SPTSSB: variants seen among roughly 807,000 people sequenced by gnomAD.
The protein encoded by SPTSSB is androgen down regulated in mouse prostate.
SPTSSB carries 6 observed loss-of-function variants against 7.7 expected under a neutral mutation model. The observed-to-expected ratio is 0.78, with a 90% CI of 0.43 to 1.54. SPTSSB has a LOEUF of 1.54. SPTSSB is among the 40% of genes most tolerant of loss of function. SPTSSB has a pLI of 0.01. For missense variants in SPTSSB, 91 were observed against 93.0 expected, an observed-to-expected ratio of 0.98 and a Z score of 0.09; for synonymous variants, 28 against 29.7, an observed-to-expected ratio of 0.94 and a Z score of 0.19.
chr3:161,369,755 G>A (rs981325332), intron 1 of SPTSSB, among the ~76,000 whole-genome samples: 1 of 152,020 alleles, frequency 6.6e-6, no homozygotes, highest in Non-Finnish European at 1.5e-5. Flanking sequence ...CTGTAGACGA[G>A]GATCTAGGTT....
At chr3:161,350,746 G>T (rs1303909651) in intron 2 of SPTSSB, among the ~76,000 whole-genome samples, 1 of 152,066 alleles carries the variant, frequency 6.6e-6, no homozygotes, top group Non-Finnish European at 1.5e-5. Context: ...TCCTTCCAAA[G>T]AACACAGTAT....
intron 1 of SPTSSB, among the ~76,000 whole-genome samples, chr3:161,362,114 C>T (rs916640094): frequency 6.6e-6 from 1 of 152,084 alleles, no homozygotes; most frequent in African/African-American, 2.4e-5. Flanking sequence ...TCTGCAGCCT[C>T]TAGGAGTAAG....
chr3:161,369,350 TTC>T (rs376509719), intron 1 of SPTSSB, among the ~76,000 whole-genome samples: 2,222 of 73,150 alleles, frequency 0.03, 65 homozygotes, highest in South Asian at 0.081. Context: ...CTTTCTTTCT[TTC>T]TCTTTCTTTC....
intron 2 of SPTSSB, 46 bp from the exon 3 acceptor site, chr3:161,346,401 A>T: frequency 1.0e-6 from 1 of 985,440 alleles, no homozygotes; most frequent in Non-Finnish European, 1.6e-6. Context: ...CCAAACATAG[A>T]ATCACTTTAA....
chr3:161,367,563 A>C (rs1315089402), intron 1 of SPTSSB, among the ~76,000 whole-genome samples: 1 of 152,246 alleles, frequency 6.6e-6, no homozygotes, highest in African/African-American at 2.4e-5. Flanking sequence ...CATGGTTCTT[A>C]GTACAGGATC....
At position 161,369,244 on chromosome 3, in the gene SPTSSB, C is replaced by CTT. The variant is rs1553804850; in HGVS notation, c.-126+2190_-126+2191insAA. On this transcript the variant is annotated intron_variant, in intron 1 of 2. Transcript: ENST00000620149. ...CATCTTCTCTAACACTTGCTATTATCTCTTTCTTTCTTTCTTTCTCTTTCT... is the reference window on the plus strand; with the variant it reads ...CATCTTCTCTAACACTTGCTATTATCTTTCTTTCTTTCTTTCTTTCTCTTTCT... Among the ~76,000 whole-genome samples the CTT allele has an allele frequency of 4.5e-3, 679 of 151,274 alleles. 6 individuals carry two copies. The highest frequency in any genetic ancestry group is 0.016 in the African/African-American group (647 of 41,124).
chr3:161,365,257 C>T (rs1415610892), intron 1 of SPTSSB, among the ~76,000 whole-genome samples: 1 of 152,188 alleles, frequency 6.6e-6, no homozygotes, highest in Non-Finnish European at 1.5e-5. Flanking sequence ...CAGCTAGCCA[C>T]TCAGTCAAGT....
In SPTSSB at chr3:161,371,446, G is replaced by T. The variant is rs1365700464; in HGVS notation, c.-137C>A. On this transcript the variant is annotated 5_prime_UTR_variant, in exon 1 of 3. Coordinates refer to ENST00000620149, the MANE Select transcript of SPTSSB (RefSeq NM_001040100.2). Reference sequence around the variant, plus strand: ...TGGAAGATGCTTACCTCCCAGTTGGGTGTATCTCCCTGCGGCTTAGGTGAG... The same window carrying T: ...TGGAAGATGCTTACCTCCCAGTTGGTTGTATCTCCCTGCGGCTTAGGTGAG... 1 of 985,310 alleles carries T rather than the reference G, an allele frequency of 1.0e-6. No homozygotes were observed. The allele number at this position is 985,310 out of a possible 1,614,324, so 61.0% of individuals were successfully genotyped here.
chr3:161,368,463 G>T (rs1243829770), intron 1 of SPTSSB, among the ~76,000 whole-genome samples: 1 of 142,840 alleles, frequency 7.0e-6, no homozygotes, highest in African/African-American at 2.6e-5. Context: ...GTCTCGCTCT[G>T]TCGCCCAGGC....
intron 1 of SPTSSB, among the ~76,000 whole-genome samples, chr3:161,361,426 G>C (rs1266828417): frequency 6.6e-6 from 1 of 152,076 alleles, no homozygotes; most frequent in Non-Finnish European, 1.5e-5. Flanking sequence ...TTCTACAGTA[G>C]AATTAAATAT....
chr3:161,369,041 T>C (rs1305830538), intron 1 of SPTSSB, among the ~76,000 whole-genome samples: 2 of 152,248 alleles, frequency 1.3e-5, no homozygotes, highest in Non-Finnish European at 2.9e-5. Context: ...GTACAGTTCT[T>C]GAACGGACAT....
rs943712837 is a variant in SPTSSB, at chr3:161,345,967, A to G, written c.*126T>C. 34 of 617,624 alleles carry G rather than the reference A, an allele frequency of 5.5e-5. No individual in the cohort carries two copies. The highest frequency in any genetic ancestry group is 9.5e-5 in the Non-Finnish European group (33 of 345,634). The allele number at this position is 617,624 out of a possible 1,614,324, so 38.3% of individuals were successfully genotyped here. On this transcript the variant is annotated 3_prime_UTR_variant, in exon 3 of 3. Transcript: ENST00000620149. ...AACTCCAGGCAGAAAGGCAGAATATAAGAGTGCATAGAGAAGAGAGTGCTT... is the reference window on the plus strand; with the variant it reads ...AACTCCAGGCAGAAAGGCAGAATATGAGAGTGCATAGAGAAGAGAGTGCTT...
intron 2 of SPTSSB, among the ~76,000 whole-genome samples, chr3:161,355,663 G>C (rs1714740207): frequency 6.6e-6 from 1 of 152,136 alleles, no homozygotes; most frequent in Admixed American, 6.5e-5. Context: ...GAAAAATGAT[G>C]GTTGTCAGGG....
chr3:161,348,522 A>G (rs143117189), intron 2 of SPTSSB, among the ~76,000 whole-genome samples: 11 of 152,300 alleles, frequency 7.2e-5, no homozygotes, highest in Admixed American at 3.9e-4. Context: ...AAGTCAAACA[A>G]TCAATCAATG....
rs1421835286 is a variant in SPTSSB, at chr3:161,346,036, A to G, written c.*57T>C. On this transcript the variant is annotated 3_prime_UTR_variant, in exon 3 of 3. Transcript: ENST00000620149. ...GGAAGACACAATAGTTACCTAAATCAATAAGCTGTAAGCAACATATAAATA... is the reference window on the plus strand; with the variant it reads ...GGAAGACACAATAGTTACCTAAATCGATAAGCTGTAAGCAACATATAAATA... The G allele has an allele frequency of 7.8e-6, 7 of 900,862 alleles. No individual in the cohort carries two copies. Among genetic ancestry groups the G allele is most frequent in the Non-Finnish European group, 1.3e-5 (7 of 550,736 alleles). 55.8% of individuals were successfully genotyped at this position (900,862 alleles called of 1,614,324 possible).
chr3:161,354,994 G>C (rs1351438295), intron 2 of SPTSSB, among the ~76,000 whole-genome samples: 2 of 152,212 alleles, frequency 1.3e-5, no homozygotes, highest in Non-Finnish European at 2.9e-5. Flanking sequence ...ATACATTGAT[G>C]CTGAGGAGAT....
At chr3:161,367,301 C>A (rs190794744) in intron 1 of SPTSSB, among the ~76,000 whole-genome samples, 128 of 152,246 alleles carry the variant, frequency 8.4e-4, no homozygotes, top group African/African-American at 2.9e-3. Flanking sequence ...ATGGTCAAAA[C>A]CCACACAAAT....
chr3:161,365,218 C>G (rs1035786244), intron 1 of SPTSSB, among the ~76,000 whole-genome samples: 1 of 152,200 alleles, frequency 6.6e-6, no homozygotes, highest in South Asian at 2.1e-4. Flanking sequence ...ACTTGTATAC[C>G]TGACAAATCA....
At chr3:161,351,176 A>G (rs1162175256) in intron 2 of SPTSSB, among the ~76,000 whole-genome samples, 1 of 152,212 alleles carries the variant, frequency 6.6e-6, no homozygotes, top group Admixed American at 6.5e-5. Flanking sequence ...AGGACATATG[A>G]GTAAAGTAAG....
Sources: gnomAD v4.1 joint callset for allele counts (sites outside exome capture counted in the v4.1 genomes callset) on GRCh38, gnomAD v4.1.1 for gene constraint, MANE v1.5 for transcripts, NCBI Gene and HGNC (gene_info 2026-07-23, HGNC 2026-07-21) for gene names.